The following DDX11 variants were observed in gnomAD, a reference collection of about 807,000 sequenced individuals.
DDX11 encodes ATP-dependent DNA helicase DDX11.
A neutral mutation model predicts 125.2 loss-of-function variants in DDX11; 72 were observed. The ratio of observed to expected loss-of-function variants is 0.58; its 90% confidence interval spans 0.48 to 0.70. The LOEUF (loss-of-function observed/expected upper bound fraction) is 0.70, where lower values mean the gene tolerates loss of function less well. Ranked by LOEUF, DDX11 falls within the 30% of genes least tolerant of loss-of-function variation. DDX11 has a pLI of 0.00. For missense variants in DDX11, 883 were observed against 1,165.0 expected (o/e 0.76, Z 3.52); for synonymous variants, 347 against 452.6 (o/e 0.77, Z 2.96).
At chr12:31,096,777 C>G (rs1257451850) in intron 16 of DDX11, 32 bp downstream of exon 16, 1 of 1,614,198 alleles carries the variant, frequency 6.2e-7, no homozygotes, top group South Asian at 1.1e-5. Flanking sequence ...GCAGAGCCGG[C>G]TGCACGCATG....
Position 31,104,378 on chromosome 12 carries a change from C to G in DDX11, c.*542C>G. ...TGAGTCACTCCTTCAGTAGAAGGCC[C>G]TGCTCCCTATCCTGTCCCACAGCCC... On this transcript the variant is annotated 3_prime_UTR_variant, in exon 27 of 27. Coordinates refer to ENST00000542838, the MANE Select transcript of DDX11 (RefSeq NM_030653.4). 1 of 308,592 alleles carries G rather than the reference C, an allele frequency of 3.2e-6. No individual in the cohort carries two copies. Among genetic ancestry groups the G allele is most frequent in the South Asian group, 4.2e-5 (1 of 23,704 alleles). The allele number at this position is 308,592 out of a possible 1,614,324, so 19.1% of individuals were successfully genotyped here.
chr12:31,097,195 G>A (rs1314244273), intron 17 of DDX11, among the ~76,000 whole-genome samples: 3 of 145,216 alleles, frequency 2.1e-5, no homozygotes, highest in Non-Finnish European at 3.0e-5. Flanking sequence ...TGGGGGTCCC[G>A]TGACCAGGGT....
chr12:31,100,691 G>C lies in DDX11; in HGVS notation c.1932G>C (p.Val644=), dbSNP rs376513442. Residue 644 remains valine (V), a synonymous_variant, in exon 19 of 27, where the codon GTG becomes GTC. Coordinates refer to ENST00000542838, the MANE Select transcript of DDX11 (RefSeq NM_030653.4). ...GTGCCGGGGTGGAAGCTGAGCGCGT[G>C]GTGGAGTTTTCCTGTGGTGAGAAGC... ...LACAGVEAER[V]VEFSCGHVIP... The C allele has an allele frequency of 7.1e-6, 11 of 1,552,278 alleles. No homozygotes were observed. The highest frequency in any genetic ancestry group is 3.3e-4 in the Middle Eastern group (2 of 6,008).
At chr12:31,090,800 T>C (rs918319943) in intron 9 of DDX11, among the ~76,000 whole-genome samples, 2 of 152,238 alleles carry the variant, frequency 1.3e-5, no homozygotes, top group Non-Finnish European at 2.9e-5. Flanking sequence ...AAGTAACCAT[T>C]TGCACAGCAG....
rs1482977295 is a variant in DDX11 at position 31,097,117 on chromosome 12, G to C, written c.1762+127G>C. The C allele has an allele frequency of 6.3e-6, 8 of 1,261,932 alleles. No homozygotes were observed. In the East Asian group the frequency reaches 1.8e-4, roughly 28 times the overall value. The allele number at this position is 1,261,932 out of a possible 1,614,324, so 78.2% of individuals were successfully genotyped here. A position where few individuals can be genotyped will look rare whatever the true frequency, so the allele number is the denominator to read the frequency against. On this transcript the variant is annotated intron_variant, in intron 17 of 26. Coordinates refer to ENST00000542838, the MANE Select transcript of DDX11 (RefSeq NM_030653.4). ...TCCTGGGTTAGGAGGAAGCAGTGCA[G>C]TGGGCACTGGCCTGCTGTGACCTGG...
In DDX11 at chr12:31,073,938, C is replaced by T. The variant is rs576762975; in HGVS notation, c.-158C>T. ...GTTTGCCCTGATTCCCGGGGCCTGG[C>T]TTTCAGCGTAGCAATTCTGCCGGCG... On this transcript the variant is annotated 5_prime_UTR_variant, in exon 1 of 27. Coordinates refer to ENST00000542838, the MANE Select transcript of DDX11 (RefSeq NM_030653.4). 1.3e-5 allele frequency: 2 copies of T among 152,394 alleles called. No homozygotes were observed. The highest frequency in any genetic ancestry group is 3.9e-4 in the East Asian group (2 of 5,184). The allele number at this position is 152,394 out of a possible 1,614,324, so 9.4% of individuals were successfully genotyped here. A position where few individuals can be genotyped will look rare whatever the true frequency, so the allele number is the denominator to read the frequency against.
At chr12:31,079,165 TTTGAACATAATTTTGTC>T (rs1941346732) in intron 2 of DDX11, among the ~76,000 whole-genome samples, 1 of 152,220 alleles carries the variant, frequency 6.6e-6, no homozygotes, top group African/African-American at 2.4e-5. Context: ...ATGATTATGT[TTTGAACATAATTTTGTC>T]TTGAACAATA....
intron 2 of DDX11, among the ~76,000 whole-genome samples, chr12:31,083,298 G>A (rs2140497235): frequency 7.0e-6 from 1 of 143,700 alleles, no homozygotes; most frequent in African/African-American, 2.6e-5. Context: ...GTCTTCCAGA[G>A]TGATTAGTTT....
intron 12 of DDX11, 53 bp downstream of exon 12, chr12:31,093,377 C>T: frequency 6.2e-7 from 1 of 1,610,436 alleles, no homozygotes; most frequent in Non-Finnish European, 8.5e-7. Flanking sequence ...CGCTGGGCTG[C>T]TTTTTCCTTG....
intron 11 of DDX11, 109 bp downstream of exon 11, chr12:31,093,001 G>C: frequency 7.5e-7 from 1 of 1,332,668 alleles, no homozygotes; most frequent in South Asian, 1.2e-5. Context: ...GGGCTGTGGC[G>C]GGGTGGAGCT....
At chr12:31,101,587 C>T (rs1946388580) in intron 20 of DDX11, 2 of 563,258 alleles carry the variant, frequency 3.6e-6, no homozygotes, top group South Asian at 3.9e-5. Context: ...GGGAGGCCCC[C>T]TAGGGACGCT....
At chr12:31,098,065 C>G (rs1336929088) in intron 18 of DDX11, 68 bp downstream of exon 18, 14 of 1,331,436 alleles carry the variant, frequency 1.1e-5, no homozygotes, top group East Asian at 2.5e-5. Context: ...GGGAGAGATG[C>G]ATTATCAGTC....
In DDX11 at chr12:31,092,875, G is replaced by C. The variant is rs1460532517; in HGVS notation, c.1272G>C (p.Gln424His). Residue 424 changes from glutamine to histidine, a missense_variant, in exon 11 of 27, where the codon CAG becomes CAC. Physicochemically the swap from Gln to His is conservative, Grantham distance 24. This residue lies in a region of DDX11 where 241 missense variants were observed against 279.7 expected (regional missense o/e 0.86). Transcript: ENST00000542838. The part of the protein sequence containing the change: ...QLCQAHSQLL[Q>H]YVERYGKRLK... ...GCCAGGCCCATTCCCAGCTGCTGCA[G>C]TACGTGGAGCGATACGGGTGAGATG... 1 of 1,614,030 alleles carries C rather than the reference G, an allele frequency of 6.2e-7. No individual in the cohort carries two copies. The highest frequency in any genetic ancestry group is 8.5e-7 in the Non-Finnish European group (1 of 1,179,880).
In DDX11 at chr12:31,097,937, C is replaced by G. The variant is rs527682313; in HGVS notation, c.1815C>G (p.His605Gln). 1 of 1,613,918 alleles carries G rather than the reference C, an allele frequency of 6.2e-7. No individual in the cohort carries two copies. The highest frequency in any genetic ancestry group is 8.5e-7 in the Non-Finnish European group (1 of 1,179,920). Residue 605 changes from histidine (H) to glutamine (Q), a missense_variant, in exon 18 of 27, where the codon CAC becomes CAG. By Grantham distance (24) the His-to-Gln change is conservative (BLOSUM62 0). This residue lies in a region of DDX11 where 241 missense variants were observed against 279.7 expected (regional missense o/e 0.86). Coordinates refer to ENST00000542838, the MANE Select transcript of DDX11 (RefSeq NM_030653.4). Reference protein sequence around the residue: ...LKFLLLNPAVHFAQVVKECRA... With the variant: ...LKFLLLNPAVQFAQVVKECRA... ...TTTTGCTCCTGAATCCAGCTGTGCA[C>G]TTTGCCCAAGTGGTGAAGGAATGCC...
rs925427338 is a variant in DDX11, at chr12:31,102,966, C to T, written c.2403C>T (p.Pro801=). 3.1e-6 allele frequency: 5 copies of T among 1,613,860 alleles called. No individual in the cohort carries two copies. In the African/African-American group the frequency reaches 4.0e-5, roughly 13 times the overall value. The part of the protein sequence containing the change: ...RCVVMVGMPF[P]NIRSAELQEK... ...TGGTGATGGTGGGCATGCCCTTCCC[C>T]AACATCAGGTCTGCAGAGCTGCAGG... Residue 801 remains proline (P), a synonymous_variant, in exon 24 of 27, where the codon CCC becomes CCT. Transcript: ENST00000542838.
At chr12:31,095,164 C>T (rs1398966212) in intron 14 of DDX11, among the ~76,000 whole-genome samples, 2 of 152,212 alleles carry the variant, frequency 1.3e-5, no homozygotes, top group Non-Finnish European at 2.9e-5. Flanking sequence ...GTCACGTCTT[C>T]CCACTTGGGC....
chr12:31,084,820 G>A, intron 4 of DDX11, 149 bp from the exon 5 acceptor site: 1 of 1,018,276 alleles, frequency 9.8e-7, no homozygotes, highest in South Asian at 1.4e-5. Context: ...GAGTGGTTGA[G>A]GCGTGGATCC....
chr12:31,079,591 T>G (rs1371299782), intron 2 of DDX11, among the ~76,000 whole-genome samples: 3 of 149,530 alleles, frequency 2.0e-5, no homozygotes. Flanking sequence ...TGCTCCGTTA[T>G]GACCTCCTTT....
chr12:31,099,615 T>C (rs1332325724), intron 18 of DDX11, among the ~76,000 whole-genome samples: 1 of 151,074 alleles, frequency 6.6e-6, no homozygotes, highest in African/African-American at 2.4e-5. Context: ...GCCTGGTCAC[T>C]AGGCTCTAAA....
Sources: gnomAD v4.1 joint callset for allele counts (sites outside exome capture counted in the v4.1 genomes callset) on GRCh38, gnomAD v4.1.1 for gene constraint, gnomAD v4.1.1 regional missense constraint, MANE v1.5 for transcripts, NCBI Gene and HGNC (gene_info 2026-07-23, HGNC 2026-07-21) for gene names.